The following FRMD4B variants were observed in gnomAD, a reference collection of about 807,000 sequenced individuals.
FRMD4B encodes FERM domain containing 4B.
FRMD4B carries 74 observed loss-of-function variants against 141.5 expected under a neutral mutation model. The ratio of observed to expected loss-of-function variants is 0.52; its 90% CI spans 0.43 to 0.63. The LOEUF (loss-of-function observed/expected upper bound fraction) is 0.63, where lower values mean the gene tolerates loss of function less well. Ranked by LOEUF, FRMD4B falls within the 30% of genes least tolerant of loss-of-function variation. The probability of loss-of-function intolerance (pLI) is 0.00; values close to 1 mark genes in which losing one functional copy is unlikely to be tolerated. For missense variants in FRMD4B, 1,366 were observed against 1,253.4 expected (o/e 1.09, Z -1.36); for synonymous variants, 506 against 467.9 (o/e 1.08, Z -1.05).
intron 1 of FRMD4B, among the ~76,000 whole-genome samples, chr3:69,479,966 A>T (rs62252320): frequency 0.089 from 13,486 of 152,036 alleles, 776 homozygotes; most frequent in Non-Finnish European, 0.13. Flanking sequence ...TTCATCTTCC[A>T]TCACTGATAC....
At chr3:69,355,389 G>A (rs1044704465) in intron 1 of FRMD4B, among the ~76,000 whole-genome samples, 3 of 152,070 alleles carry the variant, frequency 2.0e-5, no homozygotes, top group African/African-American at 4.8e-5. Context: ...TTGGAAGGTG[G>A]GGAATTATTG....
At chr3:69,283,097 T>A (rs1671710096) in intron 5 of FRMD4B, among the ~76,000 whole-genome samples, 1 of 151,712 alleles carries the variant, frequency 6.6e-6, no homozygotes. Context: ...AGAAAGGAGC[T>A]CCCAGGCCAG....
intron 1 of FRMD4B, among the ~76,000 whole-genome samples, chr3:69,314,973 G>A (rs952406619): frequency 6.6e-6 from 1 of 152,202 alleles, no homozygotes. Context: ...AGACGGTAGT[G>A]AGCCAGGATC....
Position 69,206,350 on chromosome 3 carries a change from A to C in FRMD4B, c.877-7576T>G, listed in dbSNP as rs111719948. Among the ~76,000 whole-genome samples, 390 of 152,234 alleles carry C rather than the reference A, an allele frequency of 2.6e-3. 1 individual carries two copies. Among genetic ancestry groups the C allele is most frequent in the African/African-American group, 9.0e-3 (372 of 41,522 alleles). ...GGGCGACAGAGTGACACTCCATCTCAAAAAAACAAAACAAAACAAAACAAA... is the reference window on the plus strand; with the variant it reads ...GGGCGACAGAGTGACACTCCATCTCCAAAAAACAAAACAAAACAAAACAAA... On this transcript the variant is annotated intron_variant, in intron 11 of 22. Transcript: ENST00000398540.
At chr3:69,447,569 T>C (rs1244782328) in intron 1 of FRMD4B, among the ~76,000 whole-genome samples, 1 of 152,216 alleles carries the variant, frequency 6.6e-6, no homozygotes, top group Non-Finnish European at 1.5e-5. Context: ...TTTGAATAAA[T>C]TCAGGAGATA....
At position 69,298,522 on chromosome 3, in the gene FRMD4B, C is replaced by T. The variant is rs140784577; in HGVS notation, c.416+3821G>A. Among the ~76,000 whole-genome samples, 83 of 152,328 alleles carry T rather than the reference C, an allele frequency of 5.4e-4. 1 individual carries two copies. The East Asian group carries it at 0.014, about 26-fold the overall frequency. ...TCTCAAGCTCAAAACCCACAGGCCC[C>T]AATGCTCTACAGGCCAACCCCATGC... On this transcript the variant is annotated intron_variant, in intron 4 of 22. Coordinates refer to ENST00000398540, the MANE Select transcript of FRMD4B (RefSeq NM_015123.3).
At chr3:69,477,948 C>A (rs1276820914) in intron 1 of FRMD4B, among the ~76,000 whole-genome samples, 4 of 151,436 alleles carry the variant, frequency 2.6e-5, no homozygotes, top group South Asian at 2.1e-4. Flanking sequence ...TGTATGTGTC[C>A]AGGAATTTAT....
At chr3:69,467,995 A>C (rs1283834212) in intron 1 of FRMD4B, among the ~76,000 whole-genome samples, 1 of 152,136 alleles carries the variant, frequency 6.6e-6, no homozygotes, top group East Asian at 1.9e-4. Context: ...CCAGCAAATA[A>C]ATTCTTCTGT....
At position 69,317,572 on chromosome 3, in the gene FRMD4B, G is replaced by A. The variant is rs780377954; in HGVS notation, c.163-4055C>T. Among the ~76,000 whole-genome samples the A allele has an allele frequency of 7.5e-4, 114 of 151,916 alleles. 2 individuals are homozygous for A. Among genetic ancestry groups the A allele is most frequent in the Non-Finnish European group, 2.8e-4 (19 of 67,956 alleles). On this transcript the variant is annotated intron_variant, in intron 1 of 22. Transcript: ENST00000398540. ...AACCAGCCTGGCCAACATGGTAATG[G>A]TAAAAGCTTGTCTCTACTAAAAAAA...
At chr3:69,515,164 G>T (rs1213346166) in intron 1 of FRMD4B, among the ~76,000 whole-genome samples, 1 of 152,112 alleles carries the variant, frequency 6.6e-6, no homozygotes, top group East Asian at 1.9e-4. Context: ...GGTGGGGTAG[G>T]GGGTGCAACA....
At chr3:69,426,941 G>A (rs1355068058) in intron 2 of FRMD4B, among the ~76,000 whole-genome samples, 1 of 152,128 alleles carries the variant, frequency 6.6e-6, no homozygotes, top group African/African-American at 2.4e-5. Context: ...CTTTGGCTCA[G>A]CCTCATAGAT....
At chr3:69,313,563 A>G (rs1458681427) in intron 1 of FRMD4B, 46 bp from the exon 2 acceptor site, 1 of 1,222,644 alleles carries the variant, frequency 8.2e-7, no homozygotes, top group Non-Finnish European at 1.2e-6. Flanking sequence ...CACGGCTGGC[A>G]AGCAAACCTT....
intron 1 of FRMD4B, among the ~76,000 whole-genome samples, chr3:69,368,114 T>C (rs1386192403): frequency 6.6e-6 from 1 of 152,186 alleles, no homozygotes; most frequent in Non-Finnish European, 1.5e-5. Context: ...TGAGTTCTTT[T>C]CATGTTCTAG....
intron 2 of FRMD4B, among the ~76,000 whole-genome samples, chr3:69,391,654 A>G (rs1327297031): frequency 6.6e-6 from 1 of 152,182 alleles, no homozygotes; most frequent in Non-Finnish European, 1.5e-5. Context: ...CCTTTGGGCC[A>G]TGCACTGTTA....
At chr3:69,387,388 G>T (rs9872649), upstream of FRMD4B, among the ~76,000 whole-genome samples, 2 of 152,018 alleles carry the variant, frequency 1.3e-5, no homozygotes, top group African/African-American at 4.8e-5. Flanking sequence ...AAGTGCTAGC[G>T]TTACAGACAT....
chr3:69,194,733 G>T (rs1398095516), intron 16 of FRMD4B, among the ~76,000 whole-genome samples: 3 of 152,190 alleles, frequency 2.0e-5, no homozygotes, highest in Non-Finnish European at 4.4e-5. Context: ...TTAGTTTTAA[G>T]TAAACAAACC....
intron 1 of FRMD4B, among the ~76,000 whole-genome samples, chr3:69,488,533 T>A (rs796493405): frequency 5.5e-4 from 83 of 152,196 alleles, no homozygotes; most frequent in African/African-American, 1.9e-3. Flanking sequence ...GATAGCCACA[T>A]GAAAAATAAT....
intron 3 of FRMD4B, among the ~76,000 whole-genome samples, chr3:69,308,423 C>T (rs1376219844): frequency 6.8e-6 from 1 of 146,338 alleles, no homozygotes; most frequent in Non-Finnish European, 1.5e-5. Context: ...AATCTCTGTA[C>T]TCTCATCACA....
intron 11 of FRMD4B, among the ~76,000 whole-genome samples, chr3:69,204,772 G>A (rs2093006129): frequency 6.6e-6 from 1 of 152,140 alleles, no homozygotes; most frequent in Non-Finnish European, 1.5e-5. Flanking sequence ...GTGCCAGCTG[G>A]CATAAACTAA....
Sources: gnomAD v4.1 joint callset for allele counts (sites outside exome capture counted in the v4.1 genomes callset) on GRCh38, gnomAD v4.1.1 for gene constraint, MANE v1.5 for transcripts, NCBI Gene and HGNC (gene_info 2026-07-23, HGNC 2026-07-21) for gene names.